CD300LG: variants seen among roughly 807,000 people sequenced by gnomAD.
CD300LG encodes CD300 molecule like family member g, also known as CMRF35-like molecule 9.
CD300LG carries 29 observed loss-of-function variants against 31.5 expected under a neutral mutation model. The observed-to-expected ratio is 0.92, with a 90% CI of 0.68 to 1.25. The LOEUF (loss-of-function observed/expected upper bound fraction) is 1.25, where lower values mean the gene tolerates loss of function less well. CD300LG is among the 50% of genes most tolerant of loss of function. The pLI is 0.00. For missense variants in CD300LG, 396 were observed against 417.6 expected (o/e 0.95, Z 0.45); for synonymous variants, 175 against 177.2 (o/e 0.99, Z 0.10).
chr17:43,857,991 C>A, intron 6 of CD300LG: 2 of 1,495,688 alleles, frequency 1.3e-6, no homozygotes, highest in South Asian at 1.3e-5. Context: ...AGCACTCCAA[C>A]GGAGGGGGCT....
chr17:43,857,854 G>A, intron 6 of CD300LG: 1 of 1,537,212 alleles, frequency 6.5e-7, no homozygotes, highest in South Asian at 1.2e-5. Flanking sequence ...GCTGCTCTGG[G>A]ACCCAGGCTG....
In CD300LG at chr17:43,857,776, T is replaced by G. The variant is rs1008441426; in HGVS notation, c.885+620T>G. 2.0e-6 allele frequency: 3 copies of G among 1,537,260 alleles called. No homozygotes were observed. In the East Asian group the frequency reaches 7.3e-5, roughly 38 times the overall value. On this transcript the variant is annotated intron_variant, in intron 6 of 6. Coordinates refer to ENST00000317310, the MANE Select transcript of CD300LG (RefSeq NM_145273.4). ...AGGACCCAGATTTCTTGACTCCTGC[T>G]CTTCTCTTTCCAGAACTCCCTGATG...
chr17:43,861,050 C>A, intron 6 of CD300LG: 1 of 964,454 alleles, frequency 1.0e-6, no homozygotes, highest in Non-Finnish European at 1.2e-6. Flanking sequence ...TCCCACGTTT[C>A]CCTCATCTTG....
At chr17:43,861,315 T>C in intron 6 of CD300LG, 1 of 981,918 alleles carries the variant, frequency 1.0e-6, no homozygotes, top group Non-Finnish European at 1.2e-6. Context: ...GCCTCCACTC[T>C]GACAATTAGA....
intron 1 of CD300LG, among the ~76,000 whole-genome samples, chr17:43,848,180 T>C (rs909187022): frequency 6.6e-6 from 1 of 151,486 alleles, no homozygotes; most frequent in Admixed American, 6.6e-5. Context: ...AGGCAGAAGT[T>C]TCAGTGAGCA....
intron 2 of CD300LG, among the ~76,000 whole-genome samples, chr17:43,850,712 A>G (rs1422100228): frequency 6.6e-6 from 1 of 152,058 alleles, no homozygotes; most frequent in Admixed American, 6.5e-5. Context: ...TTCTGGACTC[A>G]AGCCATCTGC....
At chr17:43,853,363 G>A (rs946702062) in intron 3 of CD300LG, among the ~76,000 whole-genome samples, 1 of 152,188 alleles carries the variant, frequency 6.6e-6, no homozygotes, top group African/African-American at 2.4e-5. Context: ...GCTGCAGAAG[G>A]AAGTCAAGGC....
At chr17:43,853,297 G>A (rs1487638138) in intron 3 of CD300LG, among the ~76,000 whole-genome samples, 1 of 152,122 alleles carries the variant, frequency 6.6e-6, no homozygotes, top group Admixed American at 6.5e-5. Context: ...GAAAGGCCAG[G>A]CCTTGGGCCC....
chr17:43,853,204 A>G (rs1165449270), intron 3 of CD300LG, among the ~76,000 whole-genome samples, 191 bp downstream of exon 3: 3 of 152,082 alleles, frequency 2.0e-5, no homozygotes, highest in Admixed American at 1.3e-4. Context: ...TCACACAAGA[A>G]GTGCCAGATC....
intron 3 of CD300LG, 35 bp downstream of exon 3, chr17:43,853,048 A>T (rs764012620): frequency 1.3e-6 from 2 of 1,562,978 alleles, no homozygotes; most frequent in Non-Finnish European, 1.8e-6. Flanking sequence ...TTCCCTTGCC[A>T]CCCTTCTTAC....
chr17:43,861,210 A>G (rs2046647062), intron 6 of CD300LG: 2 of 985,218 alleles, frequency 2.0e-6, no homozygotes, highest in African/African-American at 3.5e-5. Flanking sequence ...ACCATCCCCG[A>G]GCCCTCTCCC....
chr17:43,851,780 C>G (rs752539749), intron 2 of CD300LG, among the ~76,000 whole-genome samples: 8 of 150,924 alleles, frequency 5.3e-5, no homozygotes, highest in Non-Finnish European at 8.8e-5. Context: ...TGGTCTCGAT[C>G]TCCTGACCTT....
Position 43,857,105 on chromosome 17 carries a change from T to G in CD300LG, c.834T>G (p.Ala278=). The G allele has an allele frequency of 6.2e-7, 1 of 1,614,022 alleles. No homozygotes were observed. ...CSHLLLWRKE[A]QQATETQRNE... ...CTCCTCCTTCTACATCTCTTTCAGC[T>G]CAACAGGCCACGGAGACACAGAGGA... Residue 278 remains alanine (A), a splice_region_variant and synonymous_variant, in exon 6 of 7, where the codon GCT becomes GCG. Coordinates refer to ENST00000317310, the MANE Select transcript of CD300LG (RefSeq NM_145273.4).
intron 6 of CD300LG, chr17:43,857,972 T>G: frequency 6.6e-7 from 1 of 1,513,720 alleles, no homozygotes; most frequent in African/African-American, 1.4e-5. Flanking sequence ...GACTGTGCCC[T>G]CCGAGGCCAG....
chr17:43,848,222 G>A (rs1398725212), intron 1 of CD300LG, among the ~76,000 whole-genome samples: 1 of 152,030 alleles, frequency 6.6e-6, no homozygotes, highest in East Asian at 1.9e-4. Flanking sequence ...AGCCTGGGCG[G>A]CAAAGTGAGA....
At chr17:43,857,777 C>T (rs1316836520) in intron 6 of CD300LG, 2 of 1,537,270 alleles carry the variant, frequency 1.3e-6, no homozygotes, top group Non-Finnish European at 1.7e-6. Context: ...GACTCCTGCT[C>T]TTCTCTTTCC....
At position 43,848,985 on chromosome 17, in the gene CD300LG, T is replaced by C. The variant is rs1327838794; in HGVS notation, c.379+92T>C. On this transcript the variant is annotated intron_variant, in intron 2 of 6. Coordinates refer to ENST00000317310, the MANE Select transcript of CD300LG (RefSeq NM_145273.4). ...GGGCATAATCCTGGTACCAACATTATGGGCACTGAGTCCTCAGGGAGATCA... is the reference window on the plus strand; with the variant it reads ...GGGCATAATCCTGGTACCAACATTACGGGCACTGAGTCCTCAGGGAGATCA... The C allele has an allele frequency of 2.6e-6, 3 of 1,138,964 alleles. No homozygotes were observed. In the Admixed American group the frequency reaches 6.3e-5, roughly 24 times the overall value. The allele number at this position is 1,138,964 out of a possible 1,614,324, so 70.6% of individuals were successfully genotyped here.
chr17:43,858,985 G>A (rs1174400295), intron 6 of CD300LG, among the ~76,000 whole-genome samples: 15 of 152,146 alleles, frequency 9.9e-5, no homozygotes, highest in Non-Finnish European at 2.1e-4. Context: ...ATTCCCATAC[G>A]AGGTAGAGTT....
At chr17:43,855,396 C>T (rs569855788) in intron 5 of CD300LG, 77 bp downstream of exon 5, 5 of 835,648 alleles carry the variant, frequency 6.0e-6, no homozygotes, top group Non-Finnish European at 8.8e-6. Flanking sequence ...GCTCCCCATC[C>T]AGCCCTGGAA....
Sources: gnomAD v4.1 joint callset for allele counts (sites outside exome capture counted in the v4.1 genomes callset) on GRCh38, gnomAD v4.1.1 for gene constraint, MANE v1.5 for transcripts, NCBI Gene and HGNC (gene_info 2026-07-23, HGNC 2026-07-21) for gene names.